PLPPR5: variants seen among roughly 807,000 people sequenced by gnomAD.
The protein encoded by PLPPR5 is phospholipid phosphatase-related protein type 5.
In PLPPR5, 16 loss-of-function variants were observed where a neutral mutation model predicts 33.9. The ratio of observed to expected loss-of-function variants is 0.47; its 90% confidence interval spans 0.32 to 0.72. PLPPR5 has a LOEUF of 0.72. Among genes scored for constraint, PLPPR5 ranks in the 30% least tolerant of loss-of-function variants. The pLI is 0.03. For synonymous variants in PLPPR5, 163 were observed against 150.3 expected, an observed-to-expected ratio of 1.08 and a Z score of -0.62; for missense variants, 301 against 406.7, an observed-to-expected ratio of 0.74 and a Z score of 2.23.
chr1:98,896,889 G>A (rs1007903769), intron 5 of PLPPR5, among the ~76,000 whole-genome samples: 2 of 152,030 alleles, frequency 1.3e-5, no homozygotes, highest in African/African-American at 4.8e-5. Flanking sequence ...TTCGTGGCAC[G>A]AAACTTTGGT....
At chr1:98,944,162 A>T (rs1198286012) in intron 3 of PLPPR5, among the ~76,000 whole-genome samples, 1 of 152,164 alleles carries the variant, frequency 6.6e-6, no homozygotes, top group African/African-American at 2.4e-5. Context: ...CTCAGGGCCT[A>T]ATGACATCAA....
chr1:98,968,248 G>A (rs1318601756), intron 1 of PLPPR5, among the ~76,000 whole-genome samples: 1 of 151,946 alleles, frequency 6.6e-6, no homozygotes, highest in Non-Finnish European at 1.5e-5. Context: ...TAAAGTCAAT[G>A]TCTCCATGTT....
At chr1:98,984,103 C>G (rs1652158584) in intron 1 of PLPPR5, among the ~76,000 whole-genome samples, 1 of 152,104 alleles carries the variant, frequency 6.6e-6, no homozygotes, top group South Asian at 2.1e-4. Context: ...GCCAAAGCCA[C>G]AACTTGACTG....
At chr1:99,000,825 A>C (rs1652812146) in intron 1 of PLPPR5, among the ~76,000 whole-genome samples, 1 of 152,170 alleles carries the variant, frequency 6.6e-6, no homozygotes, top group Non-Finnish European at 1.5e-5. Flanking sequence ...TAATTTCACA[A>C]ATTAGACTGT....
At chr1:98,958,803 A>G (rs191571257) in intron 1 of PLPPR5, among the ~76,000 whole-genome samples, 5 of 152,184 alleles carry the variant, frequency 3.3e-5, no homozygotes, top group Non-Finnish European at 7.4e-5. Flanking sequence ...GGTCTGTTTT[A>G]CCACAGAATG....
At chr1:98,953,848 A>T (rs1650898775) in intron 2 of PLPPR5, among the ~76,000 whole-genome samples, 2 of 152,204 alleles carry the variant, frequency 1.3e-5, no homozygotes, top group Non-Finnish European at 2.9e-5. Flanking sequence ...TCATTTAAAT[A>T]TGGAAAATCT....
intron 1 of PLPPR5, among the ~76,000 whole-genome samples, chr1:98,996,865 T>C (rs1219781253): frequency 6.6e-6 from 1 of 152,150 alleles, no homozygotes; most frequent in Non-Finnish European, 1.5e-5. Flanking sequence ...CAATATGTTT[T>C]AACTCTCCCT....
intron 5 of PLPPR5, among the ~76,000 whole-genome samples, chr1:98,894,517 T>A (rs1234602658): frequency 6.6e-6 from 1 of 152,060 alleles, no homozygotes; most frequent in Non-Finnish European, 1.5e-5. Flanking sequence ...GTCATGAACA[T>A]CACACTTCTT....
intron 1 of PLPPR5, among the ~76,000 whole-genome samples, chr1:98,978,235 A>G (rs759444892): frequency 6.6e-6 from 1 of 152,074 alleles, no homozygotes; most frequent in Non-Finnish European, 1.5e-5. Context: ...GAAGGAATGA[A>G]GGAAGACAGG....
At position 98,891,604 on chromosome 1, in the gene PLPPR5, G is replaced by T. The variant is rs558887854; in HGVS notation, c.*1468C>A. On this transcript the variant is annotated 3_prime_UTR_variant, in exon 6 of 6. Coordinates refer to ENST00000263177, the MANE Select transcript of PLPPR5 (RefSeq NM_001037317.2). ...TGGGAGGCTGGGACCTGGGGGTGAG[G>T]GTGGAAGGGGAGATGCTGAATTTAG... 19 of 152,010 alleles carry T rather than the reference G, an allele frequency of 1.2e-4. No individual in the cohort carries two copies. The highest frequency in any genetic ancestry group is 4.3e-4 in the African/African-American group (18 of 41,482). 9.4% of individuals were successfully genotyped at this position (152,010 alleles called of 1,614,324 possible).
At chr1:98,978,911 C>T (rs1651962357) in intron 1 of PLPPR5, among the ~76,000 whole-genome samples, 1 of 151,962 alleles carries the variant, frequency 6.6e-6, no homozygotes, top group African/African-American at 2.4e-5. Flanking sequence ...GTTATCTTTC[C>T]TTCCCAACCA....
At chr1:98,907,922 A>G (rs1648967174) in intron 5 of PLPPR5, among the ~76,000 whole-genome samples, 1 of 152,216 alleles carries the variant, frequency 6.6e-6, no homozygotes, top group East Asian at 1.9e-4. Flanking sequence ...GGTTTTGGCC[A>G]AAGGTAACTT....
At chr1:98,929,801 G>A (rs1200282459) in intron 3 of PLPPR5, among the ~76,000 whole-genome samples, 1 of 152,156 alleles carries the variant, frequency 6.6e-6, no homozygotes, top group Non-Finnish European at 1.5e-5. Context: ...CCATCAGCTA[G>A]AAGAACAAAT....
At chr1:98,904,683 G>A (rs910666471) in intron 5 of PLPPR5, among the ~76,000 whole-genome samples, 1 of 152,178 alleles carries the variant, frequency 6.6e-6, no homozygotes, top group African/African-American at 2.4e-5. Flanking sequence ...GCAGGAGAGA[G>A]AGAAGGACGA....
chr1:98,928,301 T>C (rs531667262), intron 3 of PLPPR5, among the ~76,000 whole-genome samples: 9 of 152,094 alleles, frequency 5.9e-5, no homozygotes, highest in African/African-American at 1.9e-4. Flanking sequence ...CACTGTAAAT[T>C]TTATATCTAA....
intron 2 of PLPPR5, among the ~76,000 whole-genome samples, chr1:98,953,661 C>T (rs1360651463): frequency 6.6e-6 from 1 of 152,070 alleles, no homozygotes; most frequent in Non-Finnish European, 1.5e-5. Context: ...AGGGTATAGT[C>T]TATCATGCTC....
chr1:98,977,224 C>G (rs1241973684), intron 1 of PLPPR5, among the ~76,000 whole-genome samples: 1 of 151,954 alleles, frequency 6.6e-6, no homozygotes, highest in Non-Finnish European at 1.5e-5. Context: ...ATGTGAAACT[C>G]TAGTGTATTC....
chr1:98,968,681 GT>G (rs1651539433), intron 1 of PLPPR5, among the ~76,000 whole-genome samples: 1 of 151,632 alleles, frequency 6.6e-6, no homozygotes, highest in Admixed American at 6.6e-5. Flanking sequence ...AATACTTCAT[GT>G]ACCCCATAAA....
At chr1:98,980,048 C>T (rs1366106122) in intron 1 of PLPPR5, among the ~76,000 whole-genome samples, 1 of 152,032 alleles carries the variant, frequency 6.6e-6, no homozygotes, top group East Asian at 1.9e-4. Flanking sequence ...AAATGCACTA[C>T]TGGTTTCTGT....
Sources: allele counts gnomAD v4.1 joint callset (sites outside exome capture counted in the v4.1 genomes callset), GRCh38; gene constraint gnomAD v4.1.1; transcripts MANE v1.5; gene names NCBI Gene and HGNC (gene_info 2026-07-23, HGNC 2026-07-21).